The following KMT2E variants were observed in gnomAD, a reference collection of about 807,000 sequenced individuals.
KMT2E encodes the protein lysine methyltransferase 2E (inactive).
In KMT2E, 30 loss-of-function variants were observed where a neutral mutation model predicts 184.6. The ratio of observed to expected loss-of-function variants is 0.16; its 90% CI spans 0.12 to 0.22. The LOEUF (loss-of-function observed/expected upper bound fraction) is 0.22, where lower values mean the gene tolerates loss of function less well. Ranked by LOEUF, KMT2E falls within the 10% of genes least tolerant of loss-of-function variation. The pLI, the probability that KMT2E is intolerant of heterozygous loss-of-function variation, is 1.00. For synonymous variants in KMT2E, 815 were observed against 776.5 expected (o/e 1.05, Z -0.82); for missense variants, 2,023 against 2,237.4 (o/e 0.90, Z 1.93).
chr7:105,104,206 T>G (rs1798793037), intron 17 of KMT2E: 1 of 152,214 alleles, frequency 6.6e-6, no homozygotes, highest in Non-Finnish European at 1.5e-5. Flanking sequence ...GTTACTCGTT[T>G]TTTTTAAAGT....
At chr7:105,058,869 C>G (rs1554388401) in intron 3 of KMT2E, among the ~76,000 whole-genome samples, 1 of 152,036 alleles carries the variant, frequency 6.6e-6, no homozygotes, top group Non-Finnish European at 1.5e-5. Context: ...AAGAGAAAAT[C>G]TTTTTTGGAT....
chr7:105,087,247 ACCATTCAACATGAGC>A (rs1798017108), intron 13 of KMT2E, among the ~76,000 whole-genome samples: 1 of 146,442 alleles, frequency 6.8e-6, no homozygotes, highest in Non-Finnish European at 1.5e-5. Context: ...ATAAAGAGAT[ACCATTCAACATGAGC>A]ATATATATAA....
rs548127073 is a variant in KMT2E, at chr7:105,085,042, C to CT, written c.1358+3255dup. Among the ~76,000 whole-genome samples, 247 of 142,322 alleles carry CT rather than the reference C, an allele frequency of 1.7e-3. 1 individual carries two copies. The highest frequency in any genetic ancestry group is 5.8e-3 in the South Asian group (26 of 4,480). 93.4% of individuals were successfully genotyped at this position (142,322 alleles called of 152,430 possible). ...ATATGCATTCTTGACATAACTTTTT[C>CT]TTTTTTTTTTAATATTTCTAGGCTA... On this transcript the variant is annotated intron_variant, in intron 13 of 26. Coordinates refer to ENST00000311117, the MANE Select transcript of KMT2E (RefSeq NM_182931.3).
At chr7:105,055,172 A>C (rs1184049141) in intron 3 of KMT2E, among the ~76,000 whole-genome samples, 1 of 145,354 alleles carries the variant, frequency 6.9e-6, no homozygotes, top group African/African-American at 2.7e-5. Flanking sequence ...GAGAGAGACA[A>C]CCCATTAGTG....
intron 5 of KMT2E, among the ~76,000 whole-genome samples, chr7:105,065,100 G>A (rs761417344): frequency 2.3e-4 from 35 of 152,178 alleles, no homozygotes; most frequent in Non-Finnish European, 4.6e-4. Flanking sequence ...AGTACTTTTT[G>A]TTATGACTCT....
In KMT2E at chr7:105,021,970, C is replaced by T. The variant is rs59263503; in HGVS notation, c.-189+7435C>T. On this transcript the variant is annotated intron_variant, in intron 1 of 26. Transcript: ENST00000311117. ...CTCTTATACTGTGTACCAAGATCAC[C>T]GGACTTGTGACATTTTGCTGTTTGC... Among the ~76,000 whole-genome samples, 559 of 152,156 alleles carry T rather than the reference C, an allele frequency of 3.7e-3. 14 individuals are homozygous for T. The East Asian group carries it at 0.062, about 17-fold the overall frequency.
Position 105,113,526 on chromosome 7 carries a change from T to TATC in KMT2E, c.*194_*196dup. The TATC allele has an allele frequency of 1.8e-6, 1 of 566,890 alleles. No individual in the cohort carries two copies. The highest frequency in any genetic ancestry group is 2.9e-6 in the Non-Finnish European group (1 of 341,488). The allele number at this position is 566,890 out of a possible 1,614,324, so 35.1% of individuals were successfully genotyped here. A position where few individuals can be genotyped will look rare whatever the true frequency, so the allele number is the denominator to read the frequency against. ...AATGTGCTGTTAAGCCAGTATTAGG[T>TATC]ATCTTTATTTTGTAAGTGAACATTC... On this transcript the variant is annotated 3_prime_UTR_variant, in exon 27 of 27. Coordinates refer to ENST00000311117, the MANE Select transcript of KMT2E (RefSeq NM_182931.3).
At chr7:105,099,046 G>A (rs984249501) in intron 15 of KMT2E, among the ~76,000 whole-genome samples, 2 of 152,196 alleles carry the variant, frequency 1.3e-5, no homozygotes, top group Admixed American at 1.3e-4. Context: ...ATACATGGCT[G>A]TGTCAAAGAA....
intron 1 of KMT2E, among the ~76,000 whole-genome samples, chr7:105,029,536 G>A (rs1303654041): frequency 6.6e-6 from 1 of 152,194 alleles, no homozygotes; most frequent in Non-Finnish European, 1.5e-5. Context: ...GTTGTTGATT[G>A]TTGGATTATT....
At chr7:105,014,868 A>G (rs908339395) in intron 1 of KMT2E, among the ~76,000 whole-genome samples, 2 of 151,888 alleles carry the variant, frequency 1.3e-5, no homozygotes, top group Non-Finnish European at 2.9e-5. Flanking sequence ...GAGGCTTGTG[A>G]CTGTTAGTAG....
At chr7:105,063,054 T>C (rs1224031334) in intron 4 of KMT2E, among the ~76,000 whole-genome samples, 1 of 149,274 alleles carries the variant, frequency 6.7e-6, no homozygotes, top group African/African-American at 2.5e-5. Flanking sequence ...TCTTTCATCT[T>C]GGAGGTGGAG....
chr7:105,060,377 G>A (rs898904128), intron 3 of KMT2E, among the ~76,000 whole-genome samples: 6 of 151,674 alleles, frequency 4.0e-5, no homozygotes, highest in African/African-American at 9.7e-5. Context: ...TGGAGGTGCC[G>A]TCTACACGTG....
chr7:105,110,940 A>G (rs1799220004), intron 26 of KMT2E, 72 bp downstream of exon 26: 3 of 1,039,274 alleles, frequency 2.9e-6, no homozygotes, highest in Admixed American at 1.8e-5. Context: ...TGGTTATAAT[A>G]TGCAGTGTTT....
intron 18 of KMT2E, 40 bp from the exon 19 acceptor site, chr7:105,105,818 CA>C: frequency 6.3e-7 from 1 of 1,592,946 alleles, no homozygotes; most frequent in Non-Finnish European, 8.5e-7. Context: ...TAAACAGCTA[CA>C]AAGTGATTCC....
At chr7:105,099,283 G>A (rs1798553237) in intron 15 of KMT2E, among the ~76,000 whole-genome samples, 1 of 152,224 alleles carries the variant, frequency 6.6e-6, no homozygotes, top group African/African-American at 2.4e-5. Flanking sequence ...TAATTGGAAA[G>A]AAGAGTAATA....
intron 1 of KMT2E, among the ~76,000 whole-genome samples, chr7:105,017,080 T>C (rs1794746129): frequency 6.6e-6 from 1 of 152,238 alleles, no homozygotes; most frequent in South Asian, 2.1e-4. Flanking sequence ...TTCACTGCTG[T>C]GTAAAGATTG....
chr7:105,057,645 A>T (rs1048071847), intron 3 of KMT2E, among the ~76,000 whole-genome samples: 2 of 152,004 alleles, frequency 1.3e-5, no homozygotes, highest in South Asian at 2.1e-4. Context: ...TAGAGGTGGG[A>T]TCTTGCTGTG....
Position 105,074,745 on chromosome 7 carries a change from T to C in KMT2E, c.659T>C (p.Val220Ala). 1 of 1,610,290 alleles carries C rather than the reference T, an allele frequency of 6.2e-7. No homozygotes were observed. The highest frequency in any genetic ancestry group is 1.7e-5 in the Admixed American group (1 of 59,298). Residue 220 changes from valine to alanine, a missense_variant, in exon 8 of 27, where the codon GTT becomes GCT. By Grantham distance (64) the Val-to-Ala change is moderately conservative (BLOSUM62 0). Coordinates refer to ENST00000311117, the MANE Select transcript of KMT2E (RefSeq NM_182931.3). The stretch of plus-strand genomic sequence containing the variant: ...TCAATTACTTTAACTGCTTCAAGAG[T>C]TTCCAAAGTTAATGATAAAAGAAGG... ...PTSITLTASR[V>A]SKVNDKRRKK...
chr7:105,075,122 C>T (rs956088439), intron 8 of KMT2E, among the ~76,000 whole-genome samples: 1 of 151,490 alleles, frequency 6.6e-6, no homozygotes, highest in Non-Finnish European at 1.5e-5. Flanking sequence ...ATTCCTTTCA[C>T]TTGTCTGTCT....
Sources: allele counts gnomAD v4.1 joint callset (sites outside exome capture counted in the v4.1 genomes callset), GRCh38; gene constraint gnomAD v4.1.1; transcripts MANE v1.5; gene names NCBI Gene and HGNC (gene_info 2026-07-23, HGNC 2026-07-21).